Variants in KHDRBS2 observed in about 807,000 individuals in gnomAD.
KHDRBS2 encodes KH RNA binding domain containing, signal transduction associated 2.
A neutral mutation model predicts 44.3 loss-of-function variants in KHDRBS2; 26 were observed. That is an observed-to-expected ratio of 0.59 (90% CI 0.43 to 0.81). The LOEUF is 0.81. Ranked by LOEUF, KHDRBS2 falls within the 40% of genes least tolerant of loss-of-function variation. The pLI, the probability that KHDRBS2 is intolerant of heterozygous loss-of-function variation, is 0.00. For synonymous variants in KHDRBS2, 194 were observed against 151.1 expected, an observed-to-expected ratio of 1.28 and a Z score of -2.08; for missense variants, 476 against 433.1, an observed-to-expected ratio of 1.10 and a Z score of -0.88.
chr6:62,068,408 A>G (rs1170697059), intron 2 of KHDRBS2, among the ~76,000 whole-genome samples: 2 of 151,492 alleles, frequency 1.3e-5, no homozygotes, highest in East Asian at 3.9e-4. Context: ...TCTGGCTATA[A>G]GACCCTTATC....
intron 4 of KHDRBS2, among the ~76,000 whole-genome samples, chr6:61,915,922 C>G (rs1353338170): frequency 2.0e-5 from 3 of 151,994 alleles, no homozygotes; most frequent in Non-Finnish European, 4.4e-5. Context: ...TCTGTACTGT[C>G]GTGGATATTG....
intron 6 of KHDRBS2, among the ~76,000 whole-genome samples, chr6:61,877,640 T>C (rs1464680370): frequency 6.6e-6 from 1 of 151,896 alleles, no homozygotes. Flanking sequence ...AAAACTATTA[T>C]GCAACCGGAG....
chr6:62,136,059 CAA>C (rs1259600118), intron 2 of KHDRBS2, among the ~76,000 whole-genome samples: 4 of 94,756 alleles, frequency 4.2e-5, no homozygotes, highest in Non-Finnish European at 4.6e-5. Context: ...ATTCTCACCA[CAA>C]AAAAAAAAAA....
chr6:61,930,546 G>GAAAA (rs1439236595), intron 4 of KHDRBS2, among the ~76,000 whole-genome samples: 1 of 47,578 alleles, frequency 2.1e-5, no homozygotes, highest in Non-Finnish European at 4.3e-5. Flanking sequence ...AAAAAAAAAA[G>GAAAA]AAAAAAAAAA....
the KHDRBS2 span, among the ~76,000 whole-genome samples, chr6:61,581,338 AC>A: frequency 3.9e-5 from 6 of 152,080 alleles, no homozygotes; most frequent in East Asian, 7.7e-4. Flanking sequence ...ACAAACTTTT[AC>A]TTTTGAGTTA....
At chr6:61,664,270 A>T in the KHDRBS2 span, among the ~76,000 whole-genome samples, 91,705 of 151,556 alleles carry the variant, frequency 0.61, 28,114 homozygotes, top group Non-Finnish European at 0.67. Flanking sequence ...AGGTTGACAT[A>T]TTTGAATTTA....
chr6:61,942,960 G>T (rs7750865), intron 4 of KHDRBS2, among the ~76,000 whole-genome samples: 27,555 of 144,786 alleles, frequency 0.19, 2,881 homozygotes, highest in East Asian at 0.32. Context: ...GAAAGAAAGA[G>T]GAGAGAGAGA....
At chr6:62,103,466 T>A (rs1307651811) in intron 2 of KHDRBS2, among the ~76,000 whole-genome samples, 4 of 152,150 alleles carry the variant, frequency 2.6e-5, no homozygotes, top group Non-Finnish European at 4.4e-5. Context: ...TTGTTCTGCA[T>A]GGAGTGGGCA....
chr6:61,799,465 C>A (rs185141524), intron 6 of KHDRBS2, among the ~76,000 whole-genome samples: 28 of 151,944 alleles, frequency 1.8e-4, no homozygotes, highest in African/African-American at 6.3e-4. Context: ...ATCATTATGA[C>A]ATCTTAATGA....
intron 3 of KHDRBS2, among the ~76,000 whole-genome samples, chr6:62,000,131 G>C (rs1300908235): frequency 6.6e-6 from 1 of 152,120 alleles, no homozygotes; most frequent in Non-Finnish European, 1.5e-5. Context: ...GAGTGTGTGT[G>C]TGTGTGTGTA....
chr6:61,660,512 A>T, the KHDRBS2 span, among the ~76,000 whole-genome samples: 1 of 151,860 alleles, frequency 6.6e-6, no homozygotes, highest in African/African-American at 2.4e-5. Context: ...AGTGTAATTT[A>T]TACTCCCCAG....
chr6:61,738,990 A>G (rs748106350), intron 6 of KHDRBS2, among the ~76,000 whole-genome samples: 7 of 151,826 alleles, frequency 4.6e-5, no homozygotes, highest in Non-Finnish European at 1.0e-4. Flanking sequence ...GTTCTGGTAA[A>G]TGCTTAATAA....
chr6:62,053,897 A>G (rs1264280826), intron 2 of KHDRBS2, among the ~76,000 whole-genome samples: 3 of 152,002 alleles, frequency 2.0e-5, no homozygotes, highest in Non-Finnish European at 2.9e-5. Flanking sequence ...GGTTAATTGT[A>G]TTTTTGTATG....
the KHDRBS2 span, among the ~76,000 whole-genome samples, chr6:61,613,187 T>A: frequency 1.3e-5 from 2 of 152,144 alleles, no homozygotes; most frequent in African/African-American, 4.8e-5. Context: ...TTATTGTTTC[T>A]TTTTACTGTT....
chr6:61,690,616 C>A (rs1322101807), intron 8 of KHDRBS2, among the ~76,000 whole-genome samples: 1 of 151,972 alleles, frequency 6.6e-6, no homozygotes. Context: ...AAGGTAGTTA[C>A]TTATGTTTAT....
chr6:61,852,563 A>G (rs1321679573), intron 6 of KHDRBS2, among the ~76,000 whole-genome samples: 1 of 129,304 alleles, frequency 7.7e-6, no homozygotes. Flanking sequence ...ACTCCGTCTC[A>G]AAAAAAAAAA....
rs193149926 is a variant in KHDRBS2, at chr6:62,021,389, C to A, written c.336+26489G>T. 2.0e-4 allele frequency among the ~76,000 whole-genome samples: 30 copies of A among 152,012 alleles called. 1 individual carries two copies. In the East Asian group the frequency reaches 5.4e-3, roughly 27 times the overall value. ...GGTTTACCTATATAACAAACCTGCA[C>A]ATGTACCCTTGGACTTAAAAGTTAA... On this transcript the variant is annotated intron_variant, in intron 3 of 8. Transcript: ENST00000281156.
chr6:61,956,525 C>G (rs1473903235), intron 4 of KHDRBS2, among the ~76,000 whole-genome samples: 1 of 152,150 alleles, frequency 6.6e-6, no homozygotes, highest in African/African-American at 2.4e-5. Flanking sequence ...ATTACAGCCA[C>G]TGTCAGAGCC....
At chr6:61,608,455 T>A in the KHDRBS2 span, among the ~76,000 whole-genome samples, 1 of 151,936 alleles carries the variant, frequency 6.6e-6, no homozygotes, top group South Asian at 2.1e-4. Context: ...TTTAATTAGG[T>A]ATAATTAAGT....
Sources: gnomAD v4.1 joint callset for allele counts (sites outside exome capture counted in the v4.1 genomes callset) on GRCh38, gnomAD v4.1.1 for gene constraint, MANE v1.5 for transcripts, NCBI Gene and HGNC (gene_info 2026-07-23, HGNC 2026-07-21) for gene names.